Variants in PRAMEF20 observed in about 807,000 individuals in gnomAD.
PRAMEF20 encodes the protein PRAME family member 20/21.
A neutral mutation model predicts 32.4 loss-of-function variants in PRAMEF20; 27 were observed. The ratio of observed to expected loss-of-function variants is 0.83; its 90% CI spans 0.61 to 1.15. The LOEUF (loss-of-function observed/expected upper bound fraction) is 1.15, where lower values mean the gene tolerates loss of function less well. Ranked by LOEUF, PRAMEF20 falls within the 50% of genes most tolerant of loss-of-function variation. The probability of loss-of-function intolerance (pLI) is 0.00; values close to 1 mark genes in which losing one functional copy is unlikely to be tolerated. For missense variants in PRAMEF20, 604 were observed against 584.5 expected, an observed-to-expected ratio of 1.03 and a Z score of -0.34; for synonymous variants, 256 against 235.4, an observed-to-expected ratio of 1.09 and a Z score of -0.80.
upstream of PRAMEF20, among the ~76,000 whole-genome samples, chr1:13,414,810 G>C (rs3013067): frequency 6.6e-6 from 1 of 151,206 alleles, no homozygotes; most frequent in East Asian, 1.9e-4. Flanking sequence ...TATATATATA[G>C]AGAGAGAGAG....
chr1:13,413,411 C>G (rs971282149), upstream of PRAMEF20, among the ~76,000 whole-genome samples: 2 of 152,124 alleles, frequency 1.3e-5, no homozygotes, highest in African/African-American at 4.8e-5. Flanking sequence ...ATTTCTCAGG[C>G]TGGAGTGCAG....
exon 2 of PRAMEF20, chr1:13,418,527 G>C: frequency 6.2e-7 from 1 of 1,613,958 alleles, no homozygotes; most frequent in Non-Finnish European, 8.5e-7. Context: ...TCGGCCAGAT[G>C]AGGAATCTTC....
At chr1:13,412,088 CAG>C (rs2100427527), upstream of PRAMEF20, among the ~76,000 whole-genome samples, 1 of 151,334 alleles carries the variant, frequency 6.6e-6, no homozygotes, top group East Asian at 1.9e-4. Context: ...ATTTTTGAGG[CAG>C]AGTTTTGCTC....
Position 13,418,105 on chromosome 1 carries a change from C to T in PRAMEF20, c.288-17C>T. On this transcript the variant is annotated splice_polypyrimidine_tract_variant and intron_variant, in intron 1 of 2. Coordinates refer to ENST00000602960, the Ensembl canonical transcript of PRAMEF20. ...GTGAGTCCTTAAATTCTCAGCCTCT[C>T]TTCTATTTTTCCTCAGGAGGTGGAA... 3.1e-6 allele frequency: 5 copies of T among 1,611,944 alleles called. No individual in the cohort carries two copies. The highest frequency in any genetic ancestry group is 4.2e-6 in the Non-Finnish European group (5 of 1,179,850).
the PRAMEF20 span, among the ~76,000 whole-genome samples, chr1:13,411,033 T>C: frequency 6.6e-6 from 1 of 152,104 alleles, no homozygotes; most frequent in African/African-American, 2.4e-5. Context: ...AATTTTTGTA[T>C]TTTTAGTAGA....
upstream of PRAMEF20, among the ~76,000 whole-genome samples, chr1:13,415,828 G>A (rs2100431580): frequency 6.6e-6 from 1 of 151,248 alleles, no homozygotes; most frequent in South Asian, 2.1e-4. Flanking sequence ...AGGGAGGGAT[G>A]AGGGAAAGAA....
chr1:13,415,021 A>C (rs1478331948), upstream of PRAMEF20, among the ~76,000 whole-genome samples: 1 of 149,974 alleles, frequency 6.7e-6, no homozygotes, highest in Non-Finnish European at 1.5e-5. Context: ...GCTTGTCTTA[A>C]GAGTGATAGC....
intron 2 of PRAMEF20, 82 bp downstream of exon 3, chr1:13,418,782 A>G (rs1641212235): frequency 6.2e-7 from 1 of 1,602,838 alleles, no homozygotes; most frequent in Non-Finnish European, 8.5e-7. Flanking sequence ...GAGCCAGCCT[A>G]TGAGGATGTA....
upstream of PRAMEF20, chr1:13,416,283 T>C: frequency 6.2e-7 from 1 of 1,611,644 alleles, no homozygotes; most frequent in Non-Finnish European, 8.5e-7. Context: ...TGAGATTGCA[T>C]GGGCTTGGCC....
rs1369049111 is a variant in PRAMEF20, at chr1:13,417,910, T to TGTGTGTGTGTGTGTGTGTGTG, written c.288-212_288-211insGTGTGTGTGTGTGTGTGTGTG. On this transcript the variant is annotated intron_variant, in intron 1 of 2. Coordinates refer to ENST00000602960, the Ensembl canonical transcript of PRAMEF20. ...GCGCCCGCCACCACGCCCGGCTAATTTGTGTGTGTGTGTGTGTGTGTGTGT... is the reference window on the plus strand; with the variant it reads ...GCGCCCGCCACCACGCCCGGCTAATTGTGTGTGTGTGTGTGTGTGTGTGTGTGTGTGTGTGTGTGTGTGTGT... Among the ~76,000 whole-genome samples the TGTGTGTGTGTGTGTGTGTGTG allele has an allele frequency of 4.9e-3, 615 of 124,268 alleles. 41 individuals are homozygous for TGTGTGTGTGTGTGTGTGTGTG. Among genetic ancestry groups the TGTGTGTGTGTGTGTGTGTGTG allele is most frequent in the East Asian group, 0.014 (52 of 3,816 alleles). The allele number at this position is 124,268 out of a possible 152,430, so 81.5% of individuals were successfully genotyped here. A position where few individuals can be genotyped will look rare whatever the true frequency, so the allele number is the denominator to read the frequency against.
chr1:13,419,942 G>A (rs1222046600), intron 2 of PRAMEF20, among the ~76,000 whole-genome samples: 2 of 152,094 alleles, frequency 1.3e-5, no homozygotes, highest in Non-Finnish European at 2.9e-5. Context: ...TGAAACAGAG[G>A]GTCAGGGACC....
upstream of PRAMEF20, among the ~76,000 whole-genome samples, chr1:13,412,796 T>C (rs1157216434): frequency 1.3e-5 from 2 of 152,126 alleles, no homozygotes; most frequent in East Asian, 1.9e-4. Context: ...CGGGGGTGCA[T>C]GCCTGTAATC....
At chr1:13,413,171 T>C (rs376285249), upstream of PRAMEF20, among the ~76,000 whole-genome samples, 33,680 of 150,162 alleles carry the variant, frequency 0.22, 3,830 homozygotes, top group South Asian at 0.37. Context: ...AGGAAGGACA[T>C]ATATTAGTAA....
exon 2 of PRAMEF20, chr1:13,418,140 G>A: frequency 1.2e-6 from 2 of 1,612,576 alleles, no homozygotes; most frequent in Non-Finnish European, 1.7e-6. Context: ...AACTTCAAGT[G>A]CTGGATTTAC....
At chr1:13,418,536 T>G in exon 2 of PRAMEF20, 1 of 1,613,946 alleles carries the variant, frequency 6.2e-7, no homozygotes, top group South Asian at 1.1e-5. Context: ...TGAGGAATCT[T>G]CGGAAGCTCG....
chr1:13,414,389 T>C (rs1641142916), upstream of PRAMEF20, among the ~76,000 whole-genome samples: 1 of 152,042 alleles, frequency 6.6e-6, no homozygotes, highest in Non-Finnish European at 1.5e-5. Flanking sequence ...TATTTTGTGA[T>C]TTTGTGTGCC....
In PRAMEF20 at chr1:13,419,676, G is replaced by A. The variant is rs1225057397; in HGVS notation, c.866+976G>A. Among the ~76,000 whole-genome samples the A allele has an allele frequency of 5.3e-5, 8 of 151,794 alleles. No homozygotes were observed. In the East Asian group the frequency reaches 9.7e-4, roughly 18 times the overall value. On this transcript the variant is annotated intron_variant, in intron 2 of 2. Transcript: ENST00000602960. ...CCTGACCTTGTGATCCGCCCGCCTC[G>A]GCCTCCCAAAATGCTGGGATTACAG...
chr1:13,421,149 G>A (rs1006603591), exon 3 of PRAMEF20: 1 of 1,613,966 alleles, frequency 6.2e-7, no homozygotes, highest in Non-Finnish European at 8.5e-7. Flanking sequence ...CTGATGGGGA[G>A]AGTGAGGGCC....
At chr1:13,417,644 C>T (rs1287790036) in intron 1 of PRAMEF20, among the ~76,000 whole-genome samples, 1 of 149,386 alleles carries the variant, frequency 6.7e-6, no homozygotes, top group African/African-American at 2.5e-5. Context: ...AAGGGTAAAA[C>T]AGGGTGGAGA....
Sources: allele counts gnomAD v4.1 joint callset (sites outside exome capture counted in the v4.1 genomes callset), GRCh38; gene constraint gnomAD v4.1.1; transcripts MANE v1.5; gene names NCBI Gene and HGNC (gene_info 2026-07-23, HGNC 2026-07-21).